The following ANKS1B variants were observed in gnomAD, a reference collection of about 807,000 sequenced individuals.
ANKS1B encodes ankyrin repeat and sterile alpha motif domain-containing protein 1B.
A neutral mutation model predicts 148.3 loss-of-function variants in ANKS1B; 36 were observed. The observed-to-expected ratio is 0.24, with a 90% CI of 0.19 to 0.32. The LOEUF (loss-of-function observed/expected upper bound fraction) is 0.32, where lower values mean the gene tolerates loss of function less well. Ranked by LOEUF, ANKS1B falls within the 10% of genes least tolerant of loss-of-function variation. The probability of loss-of-function intolerance (pLI) is 1.00; values close to 1 mark genes in which losing one functional copy is unlikely to be tolerated. For synonymous variants in ANKS1B, 542 were observed against 560.8 expected (o/e 0.97, Z 0.47); for missense variants, 1,157 against 1,542.6 (o/e 0.75, Z 4.19).
rs754815259 is a variant in ANKS1B, at chr12:99,246,710, A to C, written c.1911T>G (p.Asp637Glu). Reference sequence around the variant, plus strand: ...AAGGACTGTTTGCCAAACTGACTTCATCTTGTCCTTTTTCACATTGTTCTC... The same window carrying C: ...AAGGACTGTTTGCCAAACTGACTTCCTCTTGTCCTTTTTCACATTGTTCTC... ...GKREQCEKGQ[D>E]EVSLANSPLP... The change falls in exon 13 of 27, where the codon GAT (aspartate) becomes GAG (glutamate). Residue 637 changes from aspartate to glutamate, a missense_variant. Physicochemically the swap from Asp to Glu is conservative, Grantham distance 45. Transcript: ENST00000683438. 8 of 1,613,844 alleles carry C rather than the reference A, an allele frequency of 5.0e-6. No homozygotes were observed. The highest frequency in any genetic ancestry group is 6.8e-6 in the Non-Finnish European group (8 of 1,179,888).
intron 1 of ANKS1B, among the ~76,000 whole-genome samples, chr12:99,982,663 A>G (rs1334068920): frequency 6.6e-6 from 1 of 152,196 alleles, no homozygotes; most frequent in Admixed American, 6.5e-5. Context: ...TAGAGCTGCA[A>G]TCTGAAATAT....
At chr12:99,178,116 C>T (rs1019609069) in intron 14 of ANKS1B, among the ~76,000 whole-genome samples, 55 of 152,120 alleles carry the variant, frequency 3.6e-4, no homozygotes, top group Non-Finnish European at 1.3e-4. Context: ...CTGCTATTTC[C>T]TCAGGTCATA....
intron 1 of ANKS1B, among the ~76,000 whole-genome samples, chr12:99,858,238 C>T (rs1346264004): frequency 6.6e-6 from 1 of 152,078 alleles, no homozygotes; most frequent in African/African-American, 2.4e-5. Context: ...CATAAACAGA[C>T]AATTCTCAAA....
At chr12:99,653,466 G>T (rs1459431678) in intron 9 of ANKS1B, among the ~76,000 whole-genome samples, 1 of 152,146 alleles carries the variant, frequency 6.6e-6, no homozygotes, top group East Asian at 1.9e-4. Context: ...TACAACTTAT[G>T]CTTGTTAATT....
intron 9 of ANKS1B, among the ~76,000 whole-genome samples, chr12:99,594,676 C>T (rs569441786): frequency 6.6e-6 from 1 of 152,116 alleles, no homozygotes; most frequent in African/African-American, 2.4e-5. Context: ...ATCAAACTCA[C>T]AGAGGCATAG....
intron 17 of ANKS1B, among the ~76,000 whole-genome samples, chr12:98,854,638 A>T (rs1318334737): frequency 2.6e-5 from 4 of 152,194 alleles, no homozygotes; most frequent in African/African-American, 9.6e-5. Flanking sequence ...TGCTTTTTGC[A>T]ATGTCATTTC....
At chr12:99,355,078 G>A (rs1421632349) in intron 12 of ANKS1B, among the ~76,000 whole-genome samples, 1 of 152,074 alleles carries the variant, frequency 6.6e-6, no homozygotes, top group Admixed American at 6.6e-5. Context: ...AATATAATAT[G>A]CCAAATGTTT....
At chr12:99,414,271 G>A (rs977842789) in intron 11 of ANKS1B, among the ~76,000 whole-genome samples, 30 of 152,180 alleles carry the variant, frequency 2.0e-4, no homozygotes, top group Admixed American at 1.6e-3. Context: ...TAAATAATTT[G>A]AAAACCATTT....
intron 9 of ANKS1B, among the ~76,000 whole-genome samples, chr12:99,549,947 C>G (rs997427423): frequency 1.3e-5 from 2 of 152,220 alleles, no homozygotes; most frequent in African/African-American, 4.8e-5. Context: ...CACAACAAGC[C>G]CAGACCCCTC....
chr12:99,490,474 ATTT>A (rs1457016821), intron 10 of ANKS1B, among the ~76,000 whole-genome samples: 2 of 152,250 alleles, frequency 1.3e-5, no homozygotes, highest in South Asian at 2.1e-4. Flanking sequence ...TAACAAAATT[ATTT>A]TTAATTCTCT....
At chr12:99,171,248 T>C (rs1444592731) in intron 14 of ANKS1B, among the ~76,000 whole-genome samples, 4 of 152,196 alleles carry the variant, frequency 2.6e-5, no homozygotes, top group Admixed American at 6.5e-5. Flanking sequence ...ATAAACTACA[T>C]GTCCTTCTTC....
intron 4 of ANKS1B, among the ~76,000 whole-genome samples, 163 bp downstream of exon 4, chr12:99,806,241 A>G (rs531377105): frequency 8.5e-5 from 13 of 152,330 alleles, no homozygotes; most frequent in South Asian, 4.1e-4. Flanking sequence ...GTAGCTCTTC[A>G]TATTTCCCAA....
At chr12:99,138,931 TTCTC>T (rs138599651) in intron 15 of ANKS1B, among the ~76,000 whole-genome samples, 2,410 of 151,862 alleles carry the variant, frequency 0.016, 55 homozygotes, top group African/African-American at 0.051. Flanking sequence ...CTTTCTCCCT[TTCTC>T]TCTTTCTTTT....
intron 14 of ANKS1B, among the ~76,000 whole-genome samples, chr12:99,196,551 A>G (rs1300260815): frequency 1.3e-5 from 2 of 151,738 alleles, no homozygotes; most frequent in Non-Finnish European, 2.9e-5. Context: ...CTTATCTTAC[A>G]GAACATAGAG....
chr12:99,471,588 C>T (rs2096242586), intron 10 of ANKS1B, among the ~76,000 whole-genome samples: 1 of 151,934 alleles, frequency 6.6e-6, no homozygotes. Context: ...ACTCACTGAT[C>T]AATGTGTCAG....
chr12:99,945,934 C>T (rs1295583261), intron 1 of ANKS1B, among the ~76,000 whole-genome samples: 1 of 152,114 alleles, frequency 6.6e-6, no homozygotes, highest in Non-Finnish European at 1.5e-5. Flanking sequence ...TTTGGCTCCC[C>T]GAACCTGCCA....
intron 20 of ANKS1B, among the ~76,000 whole-genome samples, chr12:98,804,158 T>C (rs887015927): frequency 6.6e-6 from 1 of 152,204 alleles, no homozygotes; most frequent in African/African-American, 2.4e-5. Context: ...AGGTGGGAGA[T>C]AATTACAAGG....
At chr12:99,507,691 C>T (rs562685060) in intron 9 of ANKS1B, among the ~76,000 whole-genome samples, 9 of 151,882 alleles carry the variant, frequency 5.9e-5, no homozygotes, top group East Asian at 1.9e-4. Flanking sequence ...GAGGCCCCCG[C>T]GGGAAGGAGT....
intron 17 of ANKS1B, among the ~76,000 whole-genome samples, chr12:99,031,837 C>A (rs1329060806): frequency 2.0e-5 from 3 of 152,198 alleles, no homozygotes; most frequent in Non-Finnish European, 4.4e-5. Context: ...TGATTTCAAT[C>A]CCTGGTGGTC....
Sources: gnomAD v4.1 joint callset for allele counts (sites outside exome capture counted in the v4.1 genomes callset) on GRCh38, gnomAD v4.1.1 for gene constraint, MANE v1.5 for transcripts, NCBI Gene and HGNC (gene_info 2026-07-23, HGNC 2026-07-21) for gene names.